The following AIG1 variants were observed in gnomAD, a reference collection of about 807,000 sequenced individuals.
AIG1 encodes the protein androgen induced 1.
In AIG1, 23 loss-of-function variants were observed where a neutral mutation model predicts 31.4. That is an observed-to-expected ratio of 0.73 (90% CI 0.53 to 1.04). The LOEUF is 1.04. Ranked by LOEUF, AIG1 falls within the 50% of genes least tolerant of loss-of-function variation. The pLI, the probability that AIG1 is intolerant of heterozygous loss-of-function variation, is 0.00. For synonymous variants in AIG1, 100 were observed against 110.5 expected (o/e 0.90, Z 0.60); for missense variants, 274 against 295.0 (o/e 0.93, Z 0.52).
intron 1 of AIG1, among the ~76,000 whole-genome samples, chr6:143,083,214 CT>C (rs1298951032): frequency 6.6e-6 from 1 of 152,198 alleles, no homozygotes; most frequent in East Asian, 1.9e-4. Flanking sequence ...TTTAAAAGCG[CT>C]TGGGTGGCTT....
chr6:143,113,948 G>C (rs1012148306), intron 1 of AIG1, among the ~76,000 whole-genome samples: 1 of 151,884 alleles, frequency 6.6e-6, no homozygotes, highest in Non-Finnish European at 1.5e-5. Flanking sequence ...CTAACTTTTT[G>C]TATTTTTAGT....
At chr6:143,270,745 C>A (rs183273491) in intron 3 of AIG1, among the ~76,000 whole-genome samples, 1 of 152,224 alleles carries the variant, frequency 6.6e-6, no homozygotes, top group East Asian at 1.9e-4. Flanking sequence ...ATAGAGATGA[C>A]CTTGAAGATT....
At chr6:143,180,766 G>A (rs896532245) in intron 3 of AIG1, among the ~76,000 whole-genome samples, 2 of 152,130 alleles carry the variant, frequency 1.3e-5, no homozygotes, top group Non-Finnish European at 2.9e-5. Context: ...CATTTCCCAT[G>A]TAATTTATGA....
At chr6:143,342,495 G>A (rs1204806178), downstream of AIG1, 2 of 792,148 alleles carry the variant, frequency 2.5e-6, no homozygotes, top group Admixed American at 1.7e-5. Flanking sequence ...TCCTCTGGTG[G>A]AAGAAACAGT....
intron 3 of AIG1, among the ~76,000 whole-genome samples, chr6:143,183,843 G>C (rs566698840): frequency 6.6e-6 from 1 of 152,286 alleles, no homozygotes; most frequent in South Asian, 2.1e-4. Flanking sequence ...GTGGAAGGCA[G>C]GAAGGTACTG....
chr6:143,269,870 G>A (rs180906513), intron 3 of AIG1, among the ~76,000 whole-genome samples: 2 of 152,320 alleles, frequency 1.3e-5, no homozygotes, highest in East Asian at 3.9e-4. Context: ...GGCTTTCGAA[G>A]CTGTTTTTGA....
rs1798623064 is a variant in AIG1, at chr6:143,298,804, T to A, written c.515+14579T>A. The A allele has an allele frequency of 6.6e-6, 1 of 152,366 alleles. No homozygotes were observed. Among genetic ancestry groups the A allele is most frequent in the African/African-American group, 2.4e-5 (1 of 41,450 alleles). 9.4% of individuals were successfully genotyped at this position (152,366 alleles called of 1,614,324 possible). ...GGGCAGGTCAAACTCATCAGACTCTTGCTTGCTATTCCACATCTGCTGGAA... is the reference window on the plus strand; with the variant it reads ...GGGCAGGTCAAACTCATCAGACTCTAGCTTGCTATTCCACATCTGCTGGAA... On this transcript the variant is annotated intron_variant, in intron 4 of 5. Transcript: ENST00000357847. The surrounding 1 kb of genome is among the most constrained non-coding windows in gnomAD (Gnocchi z 5.1).
At chr6:143,301,328 G>A (rs1000125093) in intron 4 of AIG1, among the ~76,000 whole-genome samples, 1 of 152,176 alleles carries the variant, frequency 6.6e-6, no homozygotes, top group Admixed American at 6.5e-5. Context: ...TATTCAAGTA[G>A]CAAGGAGCTC....
chr6:143,197,710 C>T (rs185401334), intron 3 of AIG1, among the ~76,000 whole-genome samples: 2 of 152,292 alleles, frequency 1.3e-5, no homozygotes, highest in African/African-American at 4.8e-5. Flanking sequence ...AGTCTGCCAG[C>T]CTAGATCCTT....
Position 143,067,041 on chromosome 6 carries a change from C to T in AIG1, c.141+5975C>T, listed in dbSNP as rs575644702. ...CATTATTTGGGGGTGCTTGCATGTG[C>T]CTGTAGTCCCAGCTATGTGGGGGCT... is the stretch of plus-strand genomic sequence containing the variant. On this transcript the variant is annotated intron_variant, in intron 1 of 5. Transcript: ENST00000357847. Among the ~76,000 whole-genome samples the T allele has an allele frequency of 2.6e-5, 4 of 152,216 alleles. No individual in the cohort carries two copies. In the East Asian group the frequency reaches 7.7e-4, roughly 29 times the overall value.
intron 1 of AIG1, among the ~76,000 whole-genome samples, chr6:143,083,467 C>T (rs898487423): frequency 7.9e-5 from 12 of 152,080 alleles, no homozygotes; most frequent in African/African-American, 2.9e-4. Context: ...AAAAAGCATC[C>T]CTAAGGTCCA....
chr6:143,189,231 A>G (rs751915294), intron 3 of AIG1: 3 of 422,098 alleles, frequency 7.1e-6, no homozygotes, highest in Non-Finnish European at 9.5e-6. Context: ...ATTTTTTTGT[A>G]GAGACAATGG....
chr6:143,121,069 TTTAG>T (rs1421155904), intron 1 of AIG1, among the ~76,000 whole-genome samples: 2 of 152,250 alleles, frequency 1.3e-5, no homozygotes, highest in Non-Finnish European at 2.9e-5. Flanking sequence ...AAGGAATACT[TTTAG>T]TTAATCTATA....
At chr6:143,210,373 A>G (rs1001270636) in intron 3 of AIG1, among the ~76,000 whole-genome samples, 5 of 152,212 alleles carry the variant, frequency 3.3e-5, no homozygotes, top group Non-Finnish European at 5.9e-5. Context: ...GTGTCAAGTG[A>G]ATAATTGTAT....
At chr6:143,153,206 C>T (rs756916640) in intron 2 of AIG1, among the ~76,000 whole-genome samples, 4 of 152,178 alleles carry the variant, frequency 2.6e-5, no homozygotes, top group Non-Finnish European at 4.4e-5. Flanking sequence ...GTGCGAGGTA[C>T]AAGGCAAGAC....
chr6:143,214,006 G>A (rs1185085602), intron 3 of AIG1, among the ~76,000 whole-genome samples: 1 of 152,136 alleles, frequency 6.6e-6, no homozygotes, highest in East Asian at 1.9e-4. Flanking sequence ...TCTTTCATGA[G>A]TTTCTGAATA....
chr6:143,090,344 A>T (rs923994125), intron 1 of AIG1, among the ~76,000 whole-genome samples: 11 of 152,098 alleles, frequency 7.2e-5, no homozygotes, highest in Admixed American at 2.6e-4. Context: ...TATATTTTTA[A>T]AAGTTTATAT....
At chr6:143,320,295 A>G (rs1232685485) in intron 4 of AIG1, among the ~76,000 whole-genome samples, 1 of 152,186 alleles carries the variant, frequency 6.6e-6, no homozygotes, top group Non-Finnish European at 1.5e-5. Flanking sequence ...GCCATTATGG[A>G]AAATAGTGTG....
intron 3 of AIG1, among the ~76,000 whole-genome samples, chr6:143,249,945 C>T (rs954226681): frequency 2.2e-4 from 33 of 152,242 alleles, no homozygotes; most frequent in African/African-American, 7.0e-4. Context: ...GCTCCTTGTC[C>T]AGCTGGCTTT....
Sources: allele counts gnomAD v4.1 joint callset (sites outside exome capture counted in the v4.1 genomes callset), GRCh38; gene constraint gnomAD v4.1.1; non-coding constraint Gnocchi (gnomAD v3.1); transcripts MANE v1.5; gene names NCBI Gene and HGNC (gene_info 2026-07-23, HGNC 2026-07-21).